The following LRRIQ1 variants were observed in gnomAD, a reference collection of about 807,000 sequenced individuals.
LRRIQ1 encodes the protein leucine-rich repeat- and IQ domain-containing protein 1.
LRRIQ1 carries 210 observed loss-of-function variants against 211.9 expected under a neutral mutation model. That is an observed-to-expected ratio of 0.99 (90% CI 0.89 to 1.11). LRRIQ1 has a LOEUF of 1.11. Ranked by LOEUF, LRRIQ1 falls within the 50% of genes most tolerant of loss-of-function variation. The probability of loss-of-function intolerance (pLI) is 0.00; values close to 1 mark genes in which losing one functional copy is unlikely to be tolerated. For synonymous variants in LRRIQ1, 699 were observed against 650.1 expected (o/e 1.08, Z -1.14); for missense variants, 2,136 against 1,939.5 (o/e 1.10, Z -1.90).
chr12:85,258,462 C>T (rs1896188618), intron 1 of LRRIQ1, among the ~76,000 whole-genome samples: 1 of 151,720 alleles, frequency 6.6e-6, no homozygotes, highest in Non-Finnish European at 1.5e-5. Context: ...TTGAGGAAAT[C>T]CAAATATGGT....
intron 24 of LRRIQ1, among the ~76,000 whole-genome samples, chr12:85,196,218 G>C (rs922296396): frequency 6.6e-6 from 1 of 152,068 alleles, no homozygotes. Context: ...TCATGGGTAG[G>C]AAGAATCAAT....
At chr12:85,115,294 T>C (rs1887493018) in intron 15 of LRRIQ1, among the ~76,000 whole-genome samples, 1 of 152,184 alleles carries the variant, frequency 6.6e-6, no homozygotes, top group South Asian at 2.1e-4. Flanking sequence ...AAGTCTGCAT[T>C]TAGAACTTGA....
downstream of LRRIQ1, among the ~76,000 whole-genome samples, chr12:85,266,615 C>G (rs1896426654): frequency 6.6e-6 from 1 of 152,060 alleles, no homozygotes; most frequent in South Asian, 2.1e-4. Context: ...AAGTAAGTTT[C>G]GAGAGCCCTC....
At chr12:85,092,568 T>A (rs925316382) in intron 11 of LRRIQ1, among the ~76,000 whole-genome samples, 1 of 152,142 alleles carries the variant, frequency 6.6e-6, no homozygotes, top group African/African-American at 2.4e-5. Context: ...AAAGAAAATA[T>A]CAAGATTTCC....
At chr12:85,149,754 T>C (rs1250448800) in intron 19 of LRRIQ1, among the ~76,000 whole-genome samples, 2 of 151,742 alleles carry the variant, frequency 1.3e-5, no homozygotes, top group East Asian at 3.9e-4. Context: ...GATTATATAA[T>C]TACCAAAAGC....
chr12:85,241,704 A>T (rs1243555452), intron 26 of LRRIQ1, among the ~76,000 whole-genome samples: 1 of 151,992 alleles, frequency 6.6e-6, no homozygotes, highest in Non-Finnish European at 1.5e-5. Context: ...CATCTTTATA[A>T]AACTCGCTTT....
chr12:85,151,466 T>A (rs939058790), intron 19 of LRRIQ1, among the ~76,000 whole-genome samples: 4 of 151,502 alleles, frequency 2.6e-5, no homozygotes, highest in Non-Finnish European at 3.0e-5. Flanking sequence ...CAACCTTTTT[T>A]AAAAAAAATT....
At chr12:85,173,616 C>T (rs896954938) in intron 24 of LRRIQ1, among the ~76,000 whole-genome samples, 1 of 151,814 alleles carries the variant, frequency 6.6e-6, no homozygotes, top group African/African-American at 2.4e-5. Flanking sequence ...CACGCAATCT[C>T]TCATACACAC....
At chr12:85,187,984 A>G (rs2063401408) in intron 24 of LRRIQ1, among the ~76,000 whole-genome samples, 1 of 152,010 alleles carries the variant, frequency 6.6e-6, no homozygotes, top group Admixed American at 6.6e-5. Context: ...CTCAGGACCA[A>G]CCTACATGTC....
chr12:85,189,925 TA>T (rs1461396394), intron 24 of LRRIQ1, among the ~76,000 whole-genome samples: 1 of 143,384 alleles, frequency 7.0e-6, no homozygotes, highest in African/African-American at 2.5e-5. Flanking sequence ...GTTAATAATA[TA>T]AATAATAATT....
At chr12:85,147,827 AG>A (rs148610760) in intron 19 of LRRIQ1, among the ~76,000 whole-genome samples, 4,105 of 151,708 alleles carry the variant, frequency 0.027, 181 homozygotes, top group African/African-American at 0.094. Flanking sequence ...ATTGAATTCA[AG>A]TTGTCCCACC....
intron 24 of LRRIQ1, among the ~76,000 whole-genome samples, chr12:85,179,277 CACA>C (rs1891867190): frequency 1.3e-5 from 2 of 151,954 alleles, no homozygotes; most frequent in Non-Finnish European, 2.9e-5. Context: ...GCACTACCTT[CACA>C]TATCCCACTG....
chr12:85,067,819 GAAA>G (rs1276845267), intron 10 of LRRIQ1, among the ~76,000 whole-genome samples: 1 of 151,408 alleles, frequency 6.6e-6, no homozygotes, highest in Non-Finnish European at 1.5e-5. Flanking sequence ...AAGAGAAAAT[GAAA>G]AAAAAGAAAA....
intron 19 of LRRIQ1, among the ~76,000 whole-genome samples, chr12:85,151,159 A>G (rs1173781687): frequency 6.6e-6 from 1 of 151,552 alleles, no homozygotes; most frequent in Non-Finnish European, 1.5e-5. Context: ...ATATGTTAAT[A>G]TTCGCTACCT....
At chr12:85,170,808 A>G (rs988270453) in intron 24 of LRRIQ1, among the ~76,000 whole-genome samples, 1 of 152,088 alleles carries the variant, frequency 6.6e-6, no homozygotes, top group Non-Finnish European at 1.5e-5. Flanking sequence ...GTAAGAAATT[A>G]TAAGTCAAGA....
In LRRIQ1 at chr12:85,153,004, T is replaced by C. The variant is rs770126462; in HGVS notation, c.4420-20T>C. On this transcript the variant is annotated intron_variant, in intron 20 of 26. Transcript: ENST00000393217. ...GATTTTTTATTTTACTTCACACTTA[T>C]TTACTTTTTTTGTGAAAAGATTCCT... 4.0e-6 allele frequency: 6 copies of C among 1,518,422 alleles called. No individual in the cohort carries two copies. Among genetic ancestry groups the C allele is most frequent in the South Asian group, 2.5e-5 (2 of 80,104 alleles). The allele number at this position is 1,518,422 out of a possible 1,614,324, so 94.1% of individuals were successfully genotyped here.
intron 24 of LRRIQ1, among the ~76,000 whole-genome samples, chr12:85,198,141 A>G (rs1331231010): frequency 8.1e-6 from 1 of 123,770 alleles, no homozygotes; most frequent in Non-Finnish European, 1.6e-5. Flanking sequence ...TATATATAAT[A>G]TATTATATTA....
At chr12:85,194,755 T>A (rs1029611464) in intron 24 of LRRIQ1, among the ~76,000 whole-genome samples, 3 of 151,822 alleles carry the variant, frequency 2.0e-5, no homozygotes, top group African/African-American at 7.3e-5. Context: ...ACATCACAAT[T>A]GAAAGAACTA....
rs1286499615 is a variant in LRRIQ1, at chr12:85,102,068, G to A, written c.3210-1936G>A. 2.6e-5 allele frequency among the ~76,000 whole-genome samples: 4 copies of A among 151,660 alleles called. No homozygotes were observed. In the East Asian group the frequency reaches 7.7e-4, roughly 29 times the overall value. ...GTATTAGAAATATATTAAGGGTAGA[G>A]CACAGAAACAATTTTCTTTTTAATA... On this transcript the variant is annotated intron_variant, in intron 13 of 26. Coordinates refer to ENST00000393217, the MANE Select transcript of LRRIQ1 (RefSeq NM_001079910.2).
Sources: gnomAD v4.1 joint callset for allele counts (sites outside exome capture counted in the v4.1 genomes callset) on GRCh38, gnomAD v4.1.1 for gene constraint, MANE v1.5 for transcripts, NCBI Gene and HGNC (gene_info 2026-07-23, HGNC 2026-07-21) for gene names.